The following NOVA1 variants were observed in gnomAD, a reference collection of about 807,000 sequenced individuals.
NOVA1 encodes NOVA alternative splicing regulator 1.
A neutral mutation model predicts 38.0 loss-of-function variants in NOVA1; 7 were observed. That is an observed-to-expected ratio of 0.18 (90% CI 0.10 to 0.35). The LOEUF (loss-of-function observed/expected upper bound fraction) is 0.35. Ranked by LOEUF, NOVA1 falls within the 10% of genes least tolerant of loss-of-function variation. The pLI is 1.00. For missense variants in NOVA1, 460 were observed against 616.0 expected (o/e 0.75, Z 2.68); for synonymous variants, 270 against 232.5 (o/e 1.16, Z -1.47).
chr14:26,486,431 C>G (rs763013999), intron 2 of NOVA1, among the ~76,000 whole-genome samples: 1 of 151,798 alleles, frequency 6.6e-6, no homozygotes, highest in Non-Finnish European at 1.5e-5. Flanking sequence ...GGTTCCGGGC[C>G]GGGCATGGTG....
chr14:26,496,490 T>C (rs28831756), intron 2 of NOVA1, among the ~76,000 whole-genome samples: 54 of 151,728 alleles, frequency 3.6e-4, no homozygotes, highest in African/African-American at 1.1e-3. Flanking sequence ...AGAAGCTCTT[T>C]AGTTTAATTA....
intron 4 of NOVA1, among the ~76,000 whole-genome samples, chr14:26,450,313 T>C (rs1249590673): frequency 3.3e-5 from 5 of 151,930 alleles, no homozygotes; most frequent in Non-Finnish European, 7.4e-5. Context: ...TTCTGGAAGG[T>C]AGCAAGCAGA....
intron 4 of NOVA1, among the ~76,000 whole-genome samples, chr14:26,469,783 C>T (rs1884438250): frequency 6.6e-6 from 1 of 152,042 alleles, no homozygotes; most frequent in African/African-American, 2.4e-5. Context: ...TTTTTAGAGA[C>T]AGGGTCTTGG....
intron 2 of NOVA1, among the ~76,000 whole-genome samples, chr14:26,523,451 G>A (rs2138513485): frequency 6.6e-6 from 1 of 152,256 alleles, no homozygotes; most frequent in Non-Finnish European, 1.5e-5. Context: ...GTTTTGACAT[G>A]ATGAATATGT....
chr14:26,554,784 T>C (rs1356686656), intron 2 of NOVA1, among the ~76,000 whole-genome samples: 1 of 152,194 alleles, frequency 6.6e-6, no homozygotes, highest in Non-Finnish European at 1.5e-5. Context: ...CTATGAATAC[T>C]AGGCTGAATA....
chr14:26,560,436 G>T (rs529012426), intron 2 of NOVA1, among the ~76,000 whole-genome samples: 66 of 152,194 alleles, frequency 4.3e-4, no homozygotes, highest in African/African-American at 1.5e-3. Flanking sequence ...TCAAGTAACA[G>T]CAGACTTCCT....
intron 2 of NOVA1, among the ~76,000 whole-genome samples, chr14:26,524,094 A>C (rs1407931913): frequency 6.6e-6 from 1 of 152,166 alleles, no homozygotes; most frequent in Non-Finnish European, 1.5e-5. Flanking sequence ...TGGGCTGGGC[A>C]AAATCAGGCA....
At chr14:26,581,600 G>T (rs1249196378) in intron 2 of NOVA1, among the ~76,000 whole-genome samples, 2 of 151,838 alleles carry the variant, frequency 1.3e-5, no homozygotes, top group East Asian at 1.9e-4. Flanking sequence ...AATAACTTTT[G>T]TATGTTTCCA....
At chr14:26,476,200 C>T (rs574927912) in intron 3 of NOVA1, among the ~76,000 whole-genome samples, 14 of 152,258 alleles carry the variant, frequency 9.2e-5, no homozygotes, top group African/African-American at 3.1e-4. Flanking sequence ...GAACTGTCTT[C>T]CAGCATCTGA....
At chr14:26,512,581 GACACTAGTCAA>G (rs1274422649) in intron 2 of NOVA1, among the ~76,000 whole-genome samples, 1 of 152,036 alleles carries the variant, frequency 6.6e-6, no homozygotes, top group Admixed American at 6.5e-5. Context: ...TTACAAAAAA[GACACTAGTCAA>G]ACCATCTCAT....
chr14:26,493,343 C>T (rs1886503489), intron 2 of NOVA1, among the ~76,000 whole-genome samples: 1 of 152,146 alleles, frequency 6.6e-6, no homozygotes, highest in African/African-American at 2.4e-5. Flanking sequence ...TTTAAAAATA[C>T]AAGTCTCAGA....
In NOVA1 at chr14:26,448,660, T is replaced by A. The variant is rs369137530; in HGVS notation, c.823A>T (p.Thr275Ser). 3 of 1,614,148 alleles carry A rather than the reference T, an allele frequency of 1.9e-6. No homozygotes were observed. Among genetic ancestry groups the A allele is most frequent in the Non-Finnish European group, 2.5e-6 (3 of 1,180,016 alleles). ...GCAGCAGTTGGTAACACTTCAGCAG[T>A]GTTTGCATAAGGAGATCCGGTTGGA... is the stretch of plus-strand genomic sequence containing the variant. The part of the protein sequence containing the change: ...SNPTGSPYAN[T>S]AEVLPTAAAA... The change falls in exon 5 of 5, where the codon ACT (threonine) becomes TCT (serine). Residue 275 changes from threonine to serine, a missense_variant. Physicochemically the swap from Thr to Ser is moderately conservative, Grantham distance 58. Coordinates refer to ENST00000539517, the MANE Select transcript of NOVA1 (RefSeq NM_002515.3). The surrounding 1 kb of genome is among the most constrained non-coding windows in gnomAD (Gnocchi z 5.3).
At chr14:26,589,193 C>T (rs922541681) in intron 2 of NOVA1, among the ~76,000 whole-genome samples, 1 of 151,652 alleles carries the variant, frequency 6.6e-6, no homozygotes, top group African/African-American at 2.4e-5. Flanking sequence ...TGCCAGATTT[C>T]GTTTAAATGT....
At position 26,453,118 on chromosome 14, in the gene NOVA1, CCT is replaced by C. The variant is rs556021571; in HGVS notation, c.520-4157_520-4156del. Among the ~76,000 whole-genome samples the C allele has an allele frequency of 4.6e-5, 7 of 152,178 alleles. No homozygotes were observed. In the South Asian group the frequency reaches 1.5e-3, roughly 32 times the overall value. On this transcript the variant is annotated intron_variant, in intron 4 of 4. Coordinates refer to ENST00000539517, the MANE Select transcript of NOVA1 (RefSeq NM_002515.3). ...ACTATTGTTTCGGTGTTGGACAGTT[CCT>C]GTTTCAAATCTAAACCCATTTTAGC...
In NOVA1 at chr14:26,597,329, G is replaced by T; in HGVS notation, c.108C>A (p.Ala36=). The change falls in exon 1 of 5, where the codon GCC becomes GCA. Residue 36 remains alanine (A), a synonymous_variant. Transcript: ENST00000539517. ...CCGTATTGGTCCTCTTGGTGCTGCC[G>T]GCTTCAGGGGGGGCTTCCAGCGGCC... ...RKRPLEAPPE[A]GSTKRTNTGE... is the part of the protein sequence containing the mutation. 1 of 1,258,114 alleles carries T rather than the reference G, an allele frequency of 7.9e-7. No individual in the cohort carries two copies. The highest frequency in any genetic ancestry group is 1.0e-6 in the Non-Finnish European group (1 of 993,398). 77.9% of individuals were successfully genotyped at this position (1,258,114 alleles called of 1,614,324 possible).
At chr14:26,588,561 G>C (rs960011121) in intron 2 of NOVA1, 1 of 151,380 alleles carries the variant, frequency 6.6e-6, no homozygotes, top group African/African-American at 2.4e-5. Flanking sequence ...CCATACAGTG[G>C]TGTGAAACTT....
At chr14:26,566,068 C>T (rs1892119260) in intron 2 of NOVA1, among the ~76,000 whole-genome samples, 1 of 151,900 alleles carries the variant, frequency 6.6e-6, no homozygotes, top group African/African-American at 2.4e-5. Context: ...TGAAATATTC[C>T]TTCAGAGTCG....
intron 2 of NOVA1, chr14:26,549,309 A>G (rs983735777): frequency 2.7e-5 from 4 of 150,832 alleles, no homozygotes; most frequent in Non-Finnish European, 4.4e-5. Context: ...AGGTTAATTA[A>G]GACGTTCCTG....
chr14:26,481,516 G>T (rs1297690123), intron 2 of NOVA1, among the ~76,000 whole-genome samples: 1 of 151,894 alleles, frequency 6.6e-6, no homozygotes. Flanking sequence ...AGAAATAAAA[G>T]AAAAACTTAG....
Sources: allele counts gnomAD v4.1 joint callset (sites outside exome capture counted in the v4.1 genomes callset), GRCh38; gene constraint gnomAD v4.1.1; non-coding constraint Gnocchi (gnomAD v3.1); transcripts MANE v1.5; gene names NCBI Gene and HGNC (gene_info 2026-07-23, HGNC 2026-07-21).